The following SWT1 variants were observed in gnomAD, a reference collection of about 807,000 sequenced individuals.
The protein encoded by SWT1 is transcriptional protein SWT1.
SWT1 carries 33 observed loss-of-function variants against 107.3 expected under a neutral mutation model. The ratio of observed to expected loss-of-function variants is 0.31; its 90% CI spans 0.23 to 0.41. The LOEUF is 0.41. Among genes scored for constraint, SWT1 ranks in the 10% least tolerant of loss-of-function variants. The pLI is 1.00. For synonymous variants in SWT1, 345 were observed against 348.3 expected (o/e 0.99, Z 0.11); for missense variants, 898 against 1,028.9 (o/e 0.87, Z 1.74).
At chr1:185,185,119 C>T (rs561304989) in intron 9 of SWT1, among the ~76,000 whole-genome samples, 188 bp downstream of exon 9, 115 of 152,272 alleles carry the variant, frequency 7.6e-4, no homozygotes, top group South Asian at 4.8e-3. Flanking sequence ...TTCTCCTAGA[C>T]GTTTTTACAT....
chr1:185,272,210 C>A (rs541882711), intron 17 of SWT1, among the ~76,000 whole-genome samples: 1 of 152,306 alleles, frequency 6.6e-6, no homozygotes, highest in African/African-American at 2.4e-5. Flanking sequence ...GGAGGTAGAA[C>A]TATAATGAGG....
Position 185,184,297 on chromosome 1 carries a change from T to C in SWT1, c.1193T>C (p.Met398Thr). The part of the protein sequence containing the change: ...LLIVIDTNIL[M>T]NHLKFVRILK... ...ATTGTTATTGACACAAATATTCTGA[T>C]GAATCATCTCAAATTTGTTAGAATT... Residue 398 changes from methionine (M) to threonine (T), a missense_variant, in exon 8 of 19, where the codon ATG (methionine) becomes ACG (threonine). By Grantham distance (81) the Met-to-Thr change is moderately conservative. Coordinates refer to ENST00000367500, the MANE Select transcript of SWT1 (RefSeq NM_017673.7). The C allele has an allele frequency of 6.3e-7, 1 of 1,576,252 alleles. No individual in the cohort carries two copies. Among genetic ancestry groups the C allele is most frequent in the South Asian group, 1.2e-5 (1 of 86,470 alleles).
chr1:185,270,027 G>C (rs1663738120), intron 16 of SWT1, among the ~76,000 whole-genome samples: 1 of 152,222 alleles, frequency 6.6e-6, no homozygotes, highest in Admixed American at 6.5e-5. Context: ...TACTGTCACT[G>C]TTATAATTGA....
At position 185,217,212 on chromosome 1, in the gene SWT1, G is replaced by A. The variant is rs536704892; in HGVS notation, c.2121+2557G>A. On this transcript the variant is annotated intron_variant, in intron 14 of 18. Transcript: ENST00000367500. ...GTTAGAAACAATTCATTGAGTAAAC[G>A]AAGAACTTTATGATTTAGTATAGTC... 5.3e-5 allele frequency among the ~76,000 whole-genome samples: 8 copies of A among 152,214 alleles called. 1 individual carries two copies. Among genetic ancestry groups the A allele is most frequent in the South Asian group, 2.1e-4 (1 of 4,828 alleles).
chr1:185,228,073 A>G (rs1411180836), intron 15 of SWT1, among the ~76,000 whole-genome samples: 1 of 149,768 alleles, frequency 6.7e-6, no homozygotes, highest in Non-Finnish European at 1.5e-5. Context: ...CCTGGGTGAC[A>G]GAGTGAGACC....
chr1:185,183,880 A>G (rs1018956427), intron 7 of SWT1, among the ~76,000 whole-genome samples: 2 of 152,170 alleles, frequency 1.3e-5, no homozygotes, highest in African/African-American at 4.8e-5. Flanking sequence ...AACATTCTCC[A>G]TGGCTGGTTT....
At chr1:185,248,794 G>C (rs1404407232) in intron 16 of SWT1, among the ~76,000 whole-genome samples, 2 of 117,056 alleles carry the variant, frequency 1.7e-5, no homozygotes, top group African/African-American at 3.2e-5. Context: ...AAAAAAAAAA[G>C]ACAAAAGCAG....
At chr1:185,167,217 T>G (rs1315023856) in intron 3 of SWT1, among the ~76,000 whole-genome samples, 1 of 152,222 alleles carries the variant, frequency 6.6e-6, no homozygotes, top group East Asian at 1.9e-4. Context: ...ATACATTGTT[T>G]GCATTTTCAG....
chr1:185,257,315 C>T (rs578144657), intron 16 of SWT1, among the ~76,000 whole-genome samples: 2 of 152,030 alleles, frequency 1.3e-5, no homozygotes, highest in South Asian at 2.1e-4. Context: ...CCACCCAGTT[C>T]GAGCTTCCTG....
chr1:185,182,516 T>G (rs1656100888), intron 7 of SWT1, among the ~76,000 whole-genome samples: 1 of 151,590 alleles, frequency 6.6e-6, no homozygotes, highest in African/African-American at 2.4e-5. Context: ...GAAAATAAAG[T>G]TAGCTAGGTG....
At chr1:185,288,691 A>G (rs1665084759) in intron 18 of SWT1, among the ~76,000 whole-genome samples, 1 of 152,172 alleles carries the variant, frequency 6.6e-6, no homozygotes, top group Non-Finnish European at 1.5e-5. Context: ...AATACTTAAC[A>G]TGCCAGATGC....
chr1:185,171,769 T>C, intron 4 of SWT1: 1 of 405,936 alleles, frequency 2.5e-6, no homozygotes, highest in East Asian at 6.9e-5. Context: ...TGGAGTGCAG[T>C]GGCACAGTCT....
chr1:185,184,433 A>T (rs113830021), intron 8 of SWT1, 89 bp downstream of exon 8: 141 of 787,468 alleles, frequency 1.8e-4, no homozygotes, highest in Middle Eastern at 2.5e-4. Flanking sequence ...TGCCATGAAC[A>T]TGTCTCCATT....
At chr1:185,259,054 A>T (rs1242627718) in intron 16 of SWT1, among the ~76,000 whole-genome samples, 1 of 152,080 alleles carries the variant, frequency 6.6e-6, no homozygotes, top group African/African-American at 2.4e-5. Context: ...CTGATTCACT[A>T]AATCTCTTCC....
intron 18 of SWT1, among the ~76,000 whole-genome samples, chr1:185,280,370 C>T (rs763726527): frequency 6.6e-6 from 1 of 152,114 alleles, no homozygotes; most frequent in Admixed American, 6.6e-5. Context: ...AGTATGAAAA[C>T]GGACTAATGA....
intron 16 of SWT1, among the ~76,000 whole-genome samples, chr1:185,268,553 T>C (rs1444288845): frequency 2.0e-5 from 3 of 152,176 alleles, no homozygotes; most frequent in African/African-American, 7.2e-5. Context: ...AGGTCTCAAA[T>C]AGTTGTTGAA....
At chr1:185,209,625 T>A (rs1658608436) in intron 13 of SWT1, among the ~76,000 whole-genome samples, 2 of 152,246 alleles carry the variant, frequency 1.3e-5, no homozygotes, top group Admixed American at 1.3e-4. Context: ...ACTCTATCAT[T>A]GAAGGGCATT....
chr1:185,163,393 CTTTTT>C (rs575075692), intron 2 of SWT1, among the ~76,000 whole-genome samples: 1 of 134,936 alleles, frequency 7.4e-6, no homozygotes, highest in Non-Finnish European at 1.6e-5. Flanking sequence ...TCCATGAAAG[CTTTTT>C]TTTTTTTTTT....
At chr1:185,257,914 AG>A (rs1254112885) in intron 16 of SWT1, 3 of 152,072 alleles carry the variant, frequency 2.0e-5, no homozygotes, top group African/African-American at 7.2e-5. Context: ...TTTTTTTTTA[AG>A]TCCAGTCAAG....
Sources: gnomAD v4.1 joint callset for allele counts (sites outside exome capture counted in the v4.1 genomes callset) on GRCh38, gnomAD v4.1.1 for gene constraint, MANE v1.5 for transcripts, NCBI Gene and HGNC (gene_info 2026-07-23, HGNC 2026-07-21) for gene names.